Variants in MVB12B observed in about 807,000 individuals in gnomAD.
MVB12B encodes the protein ESCRT-I complex subunit MVB12B.
MVB12B carries 16 observed loss-of-function variants against 41.6 expected under a neutral mutation model. That is an observed-to-expected ratio of 0.38 (90% confidence interval 0.26 to 0.58). The LOEUF (loss-of-function observed/expected upper bound fraction) is 0.58. Among genes scored for constraint, MVB12B ranks in the 20% least tolerant of loss-of-function variants. The pLI, the probability that MVB12B is intolerant of heterozygous loss-of-function variation, is 0.62. For synonymous variants in MVB12B, 133 were observed against 139.7 expected (o/e 0.95, Z 0.34); for missense variants, 274 against 380.2 (o/e 0.72, Z 2.32).
At chr9:126,351,294 C>G (rs771704581) in intron 2 of MVB12B, among the ~76,000 whole-genome samples, 3 of 152,040 alleles carry the variant, frequency 2.0e-5, no homozygotes, top group Admixed American at 6.5e-5. Flanking sequence ...TTGTTTTTTT[C>G]TTATGATTCC....
Position 126,481,545 on chromosome 9 carries a change from A to G in MVB12B, c.813+121A>G, listed in dbSNP as rs1833522451. Reference sequence around the variant, plus strand: ...TACTCACGCCCCTTCCCCTACCGGAATCTTGTCCGCCTGCGTGTCCTCTCT... The same window carrying G: ...TACTCACGCCCCTTCCCCTACCGGAGTCTTGTCCGCCTGCGTGTCCTCTCT... On this transcript the variant is annotated intron_variant, in intron 8 of 9. Transcript: ENST00000361171. 8 of 764,034 alleles carry G rather than the reference A, an allele frequency of 1.0e-5. No individual in the cohort carries two copies. The African/African-American group carries it at 1.2e-4, about 12-fold the overall frequency. The allele number at this position is 764,034 out of a possible 1,614,324, so 47.3% of individuals were successfully genotyped here. A position where few individuals can be genotyped will look rare whatever the true frequency, so the allele number is the denominator to read the frequency against.
chr9:126,404,975 A>G (rs1831378537), intron 6 of MVB12B, among the ~76,000 whole-genome samples: 1 of 152,178 alleles, frequency 6.6e-6, no homozygotes, highest in Non-Finnish European at 1.5e-5. Flanking sequence ...GCAGTTCGGT[A>G]TTGTTAGATA....
chr9:126,418,341 G>T (rs1301691448), intron 6 of MVB12B, among the ~76,000 whole-genome samples: 1 of 152,128 alleles, frequency 6.6e-6, no homozygotes, highest in Admixed American at 6.5e-5. Context: ...TGATTTCTCT[G>T]TTGTTCATAT....
Position 126,376,173 on chromosome 9 carries a change from T to C in MVB12B, c.205-4891T>C, listed in dbSNP as rs1474566305. Among the ~76,000 whole-genome samples, 1 of 152,218 alleles carries C rather than the reference T, an allele frequency of 6.6e-6. No individual in the cohort carries two copies. Among genetic ancestry groups the C allele is most frequent in the East Asian group, 1.9e-4 (1 of 5,208 alleles). On this transcript the variant is annotated intron_variant, in intron 2 of 9. Transcript: ENST00000361171. The surrounding 1 kb of genome is among the most constrained non-coding windows in gnomAD (Gnocchi z 4.1). ...AGATTTCCTCAGCTTTCTCTTCCAG[T>C]GTTTACAGTTTCTAATCTCTTTATA... is the stretch of plus-strand genomic sequence containing the variant.
At chr9:126,335,914 A>G (rs1314231301) in intron 1 of MVB12B, among the ~76,000 whole-genome samples, 1 of 152,168 alleles carries the variant, frequency 6.6e-6, no homozygotes, top group Non-Finnish European at 1.5e-5. Flanking sequence ...GCCCCCCGTT[A>G]ATACTTTGAA....
At chr9:126,384,586 TG>T (rs1830719785) in intron 3 of MVB12B, among the ~76,000 whole-genome samples, 1 of 152,016 alleles carries the variant, frequency 6.6e-6, no homozygotes, top group African/African-American at 2.4e-5. Flanking sequence ...TGGAGTGCAG[TG>T]GCACAATCTC....
chr9:126,356,254 T>C (rs62569318), intron 2 of MVB12B, among the ~76,000 whole-genome samples: 24,911 of 152,224 alleles, frequency 0.16, 2,720 homozygotes, highest in East Asian at 0.44. Flanking sequence ...GCAATTGCAG[T>C]GGGTAATAAG....
chr9:126,396,550 TC>T, intron 6 of MVB12B: 1 of 985,434 alleles, frequency 1.0e-6, no homozygotes, highest in Non-Finnish European at 1.2e-6. Context: ...CAGTAGGTCT[TC>T]CTGGGCCATC....
At chr9:126,378,492 C>T (rs1464720831) in intron 2 of MVB12B, among the ~76,000 whole-genome samples, 1 of 152,152 alleles carries the variant, frequency 6.6e-6, no homozygotes, top group African/African-American at 2.4e-5. Flanking sequence ...CATCTCACTC[C>T]TCACCCAGTA....
At chr9:126,465,304 C>T (rs1833176347) in intron 7 of MVB12B, among the ~76,000 whole-genome samples, 1 of 152,194 alleles carries the variant, frequency 6.6e-6, no homozygotes, top group Non-Finnish European at 1.5e-5. Context: ...CTTCTCAAAC[C>T]TAGTTGCACA....
At chr9:126,482,396 T>C (rs534771822) in intron 8 of MVB12B, among the ~76,000 whole-genome samples, 1 of 152,378 alleles carries the variant, frequency 6.6e-6, no homozygotes, top group East Asian at 1.9e-4. Context: ...GTTTCCATTT[T>C]CGTGAAATAG....
chr9:126,368,738 T>C (rs1830252031), intron 2 of MVB12B, among the ~76,000 whole-genome samples: 1 of 152,222 alleles, frequency 6.6e-6, no homozygotes, highest in Non-Finnish European at 1.5e-5. Context: ...AAATAAGGAA[T>C]AGAAGAATAT....
chr9:126,378,478 C>T (rs1302558365), intron 2 of MVB12B, among the ~76,000 whole-genome samples: 1 of 152,178 alleles, frequency 6.6e-6, no homozygotes, highest in Non-Finnish European at 1.5e-5. Context: ...GAGCCAGGAA[C>T]CCACATCTCA....
rs1588199354 is a variant in MVB12B, at chr9:126,473,706, A to C, written c.758-7663A>C. On this transcript the variant is annotated intron_variant, in intron 7 of 9. Coordinates refer to ENST00000361171, the MANE Select transcript of MVB12B (RefSeq NM_033446.3). The surrounding 1 kb of genome is among the most constrained non-coding windows in gnomAD (Gnocchi z 4.0). ...GACAGCACCACGGGGAAGCTGCTAA[A>C]CCATCCACAAGAAATCCTCTCCCCA... 6.6e-6 allele frequency among the ~76,000 whole-genome samples: 1 copy of C among 152,238 alleles called. No individual in the cohort carries two copies. The highest frequency in any genetic ancestry group is 2.4e-5 in the African/African-American group (1 of 41,546).
Position 126,346,290 on chromosome 9 carries a change from C to T in MVB12B, c.204+5660C>T, listed in dbSNP as rs1018149192. ...TTGACAATGGACATGTGAAGCAGTA[C>T]GTGGATCCTGGGGCTGTGGGAGCGT... On this transcript the variant is annotated intron_variant, in intron 2 of 9. Transcript: ENST00000361171. 9.2e-5 allele frequency among the ~76,000 whole-genome samples: 14 copies of T among 152,138 alleles called. No homozygotes were observed. The South Asian group carries it at 2.5e-3, about 27-fold the overall frequency.
chr9:126,481,883 G>A (rs959897637), intron 8 of MVB12B, among the ~76,000 whole-genome samples: 3 of 152,246 alleles, frequency 2.0e-5, no homozygotes, highest in Non-Finnish European at 2.9e-5. Flanking sequence ...GTAGAAAGGA[G>A]GCTGCCTCGT....
rs575750955 is a variant in MVB12B at position 126,436,826 on chromosome 9, G to A, written c.757+14878G>A. Among the ~76,000 whole-genome samples, 13 of 152,296 alleles carry A rather than the reference G, an allele frequency of 8.5e-5. No homozygotes were observed. Among genetic ancestry groups the A allele is most frequent in the South Asian group, 6.2e-4 (3 of 4,828 alleles). On this transcript the variant is annotated intron_variant, in intron 7 of 9. Coordinates refer to ENST00000361171, the MANE Select transcript of MVB12B (RefSeq NM_033446.3). The surrounding 1 kb of genome is among the most constrained non-coding windows in gnomAD (Gnocchi z 4.1). Reference sequence around the variant, plus strand: ...CTTCCTGGGTCAATTTTTTAAAAGCGAATTGCTCACAACATTTGCTTTCTT... The same window carrying A: ...CTTCCTGGGTCAATTTTTTAAAAGCAAATTGCTCACAACATTTGCTTTCTT...
intron 7 of MVB12B, among the ~76,000 whole-genome samples, chr9:126,463,467 CT>C (rs1833133795): frequency 6.6e-6 from 1 of 152,142 alleles, no homozygotes; most frequent in South Asian, 2.1e-4. Flanking sequence ...AAGAGATGAC[CT>C]GGTTCGAATG....
chr9:126,482,118 A>G (rs1185742664), intron 8 of MVB12B, among the ~76,000 whole-genome samples: 1 of 152,234 alleles, frequency 6.6e-6, no homozygotes, highest in Non-Finnish European at 1.5e-5. Context: ...GCCACCCTGC[A>G]TGGCAGTGGG....
Sources: gnomAD v4.1 joint callset for allele counts (sites outside exome capture counted in the v4.1 genomes callset) on GRCh38, gnomAD v4.1.1 for gene constraint, Gnocchi (gnomAD v3.1) non-coding constraint, MANE v1.5 for transcripts, NCBI Gene and HGNC (gene_info 2026-07-23, HGNC 2026-07-21) for gene names.